Variants in CCDC178 observed in about 807,000 individuals in gnomAD.
CCDC178 encodes the protein coiled-coil domain-containing protein 178.
In CCDC178, 126 loss-of-function variants were observed where a neutral mutation model predicts 117.4. The ratio of observed to expected loss-of-function variants is 1.07; its 90% CI spans 0.93 to 1.24. The LOEUF (loss-of-function observed/expected upper bound fraction) is 1.24. Among genes scored for constraint, CCDC178 ranks in the 50% most tolerant of loss-of-function variants. The pLI, the probability that CCDC178 is intolerant of heterozygous loss-of-function variation, is 0.00. For missense variants in CCDC178, 1,030 were observed against 986.9 expected (o/e 1.04, Z -0.59); for synonymous variants, 283 against 313.4 (o/e 0.90, Z 1.02).
At chr18:33,161,567 C>A (rs1327046299) in intron 20 of CCDC178, among the ~76,000 whole-genome samples, 1 of 152,118 alleles carries the variant, frequency 6.6e-6, no homozygotes, top group Admixed American at 6.6e-5. Context: ...TCAAAAATTT[C>A]CTATGGGCAA....
intron 21 of CCDC178, among the ~76,000 whole-genome samples, chr18:33,021,873 A>G (rs938608018): frequency 2.6e-5 from 4 of 152,018 alleles, no homozygotes; most frequent in African/African-American, 4.8e-5. Flanking sequence ...AGGCTGCTCA[A>G]CTAGACTTTT....
In CCDC178 at chr18:33,346,398, T is replaced by C. The variant is rs751463234; in HGVS notation, c.471A>G (p.Pro157=). Residue 157 remains proline (P), a synonymous_variant, in exon 9 of 23, where the codon CCA becomes CCG. Coordinates refer to ENST00000383096, the MANE Select transcript of CCDC178 (RefSeq NM_001105528.4). ...KPGEKRDEKC[P]ELKQEMETLL... is the part of the protein sequence containing the mutation. The stretch of plus-strand genomic sequence containing the variant: ...ATGTTTCCATTTCCTGCTTTAACTC[T>C]GGACACTTTTCATCTTAAACAGAAA... 2 of 1,608,886 alleles carry C rather than the reference T, an allele frequency of 1.2e-6. No individual in the cohort carries two copies. The highest frequency in any genetic ancestry group is 2.7e-5 in the African/African-American group (2 of 74,730).
intron 12 of CCDC178, among the ~76,000 whole-genome samples, chr18:33,272,338 C>A (rs1348305513): frequency 6.6e-6 from 1 of 151,368 alleles, no homozygotes; most frequent in Non-Finnish European, 1.5e-5. Context: ...CACCACCTAA[C>A]AAAACTTACT....
chr18:33,124,805 T>C lies in CCDC178; in HGVS notation c.2239-31895A>G, dbSNP rs75673176. On this transcript the variant is annotated intron_variant, in intron 20 of 22. Coordinates refer to ENST00000383096, the MANE Select transcript of CCDC178 (RefSeq NM_001105528.4). ...AGGCTGTGTCAGAGTATGCTATTTA[T>C]TATCAAAATAGCAGTAGCGTTTATA... 1.2e-4 allele frequency among the ~76,000 whole-genome samples: 18 copies of C among 152,364 alleles called. No individual in the cohort carries two copies. The East Asian group carries it at 3.3e-3, about 28-fold the overall frequency.
chr18:33,125,531 CT>C (rs1161356567), intron 20 of CCDC178, among the ~76,000 whole-genome samples: 1 of 151,944 alleles, frequency 6.6e-6, no homozygotes. Flanking sequence ...TTAAAAATGT[CT>C]TTTTTATGTT....
chr18:33,022,842 A>T (rs2056149923), intron 21 of CCDC178, among the ~76,000 whole-genome samples: 1 of 152,088 alleles, frequency 6.6e-6, no homozygotes, highest in Admixed American at 6.5e-5. Context: ...GTCAACAGGG[A>T]ATTCATTCTA....
At chr18:32,994,436 TCTTTTTTAATCTC>T (rs2055460135) in intron 21 of CCDC178, among the ~76,000 whole-genome samples, 9 of 152,226 alleles carry the variant, frequency 5.9e-5, no homozygotes, top group Admixed American at 5.2e-4. Context: ...TAATTTTAAC[TCTTTTTTAATCTC>T]CTTCTCTGGG....
intron 21 of CCDC178, among the ~76,000 whole-genome samples, chr18:33,041,869 AGGCTATAATATT>A (rs1369126725): frequency 6.6e-6 from 1 of 151,912 alleles, no homozygotes; most frequent in East Asian, 1.9e-4. Flanking sequence ...TGAAGAAAAA[AGGCTATAATATT>A]GGGGAATTCA....
At chr18:33,079,322 C>T (rs564189111) in intron 21 of CCDC178, among the ~76,000 whole-genome samples, 67 of 152,082 alleles carry the variant, frequency 4.4e-4, no homozygotes, top group Non-Finnish European at 5.9e-4. Context: ...CCTATAAAAA[C>T]CCTAGAAGGT....
rs762702461 is a variant in CCDC178, at chr18:33,154,209, AAAG to A, written c.2238+57684_2238+57686del. 4.6e-5 allele frequency among the ~76,000 whole-genome samples: 7 copies of A among 152,294 alleles called. No homozygotes were observed. In the East Asian group the frequency reaches 1.2e-3, roughly 25 times the overall value. On this transcript the variant is annotated intron_variant, in intron 20 of 22. Transcript: ENST00000383096. ...AGGCAGAACCTGGAGGAGGTTCTTA[AAAG>A]AAGGAGACCCCAGGGAGAGAGATTC...
At chr18:33,239,706 T>C (rs550259234) in intron 15 of CCDC178, among the ~76,000 whole-genome samples, 11 of 151,644 alleles carry the variant, frequency 7.3e-5, no homozygotes, top group Admixed American at 2.0e-4. Context: ...CACCCAGATA[T>C]ATAAAGCAAC....
chr18:33,250,693 G>A (rs901669493), intron 14 of CCDC178, among the ~76,000 whole-genome samples: 5 of 151,458 alleles, frequency 3.3e-5, no homozygotes, highest in African/African-American at 9.7e-5. Flanking sequence ...GACTCCTATC[G>A]GAACATCATA....
chr18:33,338,606 T>A (rs201523842), intron 9 of CCDC178, among the ~76,000 whole-genome samples: 1 of 152,024 alleles, frequency 6.6e-6, no homozygotes, highest in South Asian at 2.1e-4. Flanking sequence ...GCAACCTGAG[T>A]GGAATTGCTG....
At chr18:33,058,665 G>A (rs555899886) in intron 21 of CCDC178, among the ~76,000 whole-genome samples, 1 of 152,306 alleles carries the variant, frequency 6.6e-6, no homozygotes, top group African/African-American at 2.4e-5. Flanking sequence ...TGAAACAAAG[G>A]TGTTAATAAG....
At chr18:33,153,402 T>C (rs891088207) in intron 20 of CCDC178, among the ~76,000 whole-genome samples, 1 of 151,918 alleles carries the variant, frequency 6.6e-6, no homozygotes, top group African/African-American at 2.4e-5. Flanking sequence ...AGGCAAAGCA[T>C]TGAAGCAACA....
chr18:33,063,231 C>A (rs773682800), intron 21 of CCDC178, among the ~76,000 whole-genome samples: 1 of 152,118 alleles, frequency 6.6e-6, no homozygotes, highest in African/African-American at 2.4e-5. Context: ...CCAACACATA[C>A]CTGCACTTGA....
intron 11 of CCDC178, among the ~76,000 whole-genome samples, chr18:33,308,751 A>T (rs969603390): frequency 2.6e-5 from 4 of 152,266 alleles, no homozygotes; most frequent in Middle Eastern, 3.4e-3. Context: ...GATAGCGAGT[A>T]AGCTCTCACA....
At chr18:33,293,011 T>C (rs528672695) in intron 12 of CCDC178, 148 bp downstream of exon 12, 4 of 523,742 alleles carry the variant, frequency 7.6e-6, no homozygotes, top group East Asian at 6.8e-5. Flanking sequence ...TGTGGTAATT[T>C]GTTATGCAGC....
chr18:33,197,874 A>G (rs1413512061), intron 20 of CCDC178, among the ~76,000 whole-genome samples: 1 of 152,220 alleles, frequency 6.6e-6, no homozygotes, highest in Non-Finnish European at 1.5e-5. Flanking sequence ...AGGTTATTGA[A>G]AAACATTTTC....
Sources: allele counts gnomAD v4.1 joint callset (sites outside exome capture counted in the v4.1 genomes callset), GRCh38; gene constraint gnomAD v4.1.1; transcripts MANE v1.5; gene names NCBI Gene and HGNC (gene_info 2026-07-23, HGNC 2026-07-21).